RGS7: variants seen among roughly 807,000 people sequenced by gnomAD.
The protein encoded by RGS7 is regulator of G-protein signaling 7.
A neutral mutation model predicts 81.1 loss-of-function variants in RGS7; 27 were observed. That is an observed-to-expected ratio of 0.33 (90% CI 0.25 to 0.46). RGS7 has a LOEUF of 0.46. Ranked by LOEUF, RGS7 falls within the 20% of genes least tolerant of loss-of-function variation. The probability of loss-of-function intolerance (pLI) is 1.00; values close to 1 mark genes in which losing one functional copy is unlikely to be tolerated. For synonymous variants in RGS7, 208 were observed against 207.7 expected (o/e 1.00, Z -0.01); for missense variants, 396 against 607.4 (o/e 0.65, Z 3.66).
At chr1:240,867,317 T>C (rs986597548) in intron 9 of RGS7, among the ~76,000 whole-genome samples, 7 of 152,208 alleles carry the variant, frequency 4.6e-5, no homozygotes, top group African/African-American at 1.4e-4. Flanking sequence ...GGTATTCTTA[T>C]CAATCTTGAT....
chr1:240,856,262 T>C (rs1558360978), intron 9 of RGS7, among the ~76,000 whole-genome samples: 1 of 152,222 alleles, frequency 6.6e-6, no homozygotes, highest in Admixed American at 6.5e-5. Flanking sequence ...TAAACCTCTG[T>C]TTCAAAACAG....
chr1:240,942,633 C>A (rs1677796954), intron 4 of RGS7, among the ~76,000 whole-genome samples: 1 of 151,950 alleles, frequency 6.6e-6, no homozygotes, highest in Non-Finnish European at 1.5e-5. Flanking sequence ...AAAAAGATGG[C>A]AGCTGATTAT....
At chr1:241,334,523 C>T (rs1328730367) in intron 2 of RGS7, among the ~76,000 whole-genome samples, 4 of 152,130 alleles carry the variant, frequency 2.6e-5, no homozygotes, top group East Asian at 1.9e-4. Flanking sequence ...CCTAATATCC[C>T]GCAGGGGCCC....
rs372573008 is a variant in RGS7 at position 241,185,083 on chromosome 1, T to C, written c.79-86321A>G. On this transcript the variant is annotated intron_variant, in intron 2 of 18. Coordinates refer to ENST00000440928, the MANE Select transcript of RGS7 (RefSeq NM_001364886.1). ...TCTTGTACATTCCTTAAATCATCCA[T>C]GAAATATACATGAATTTGTGTGTAT... Among the ~76,000 whole-genome samples, 10 of 152,294 alleles carry C rather than the reference T, an allele frequency of 6.6e-5. No individual in the cohort carries two copies. The East Asian group carries it at 1.2e-3, about 18-fold the overall frequency.
At chr1:241,316,600 C>T (rs888096831) in intron 2 of RGS7, among the ~76,000 whole-genome samples, 6 of 152,182 alleles carry the variant, frequency 3.9e-5, no homozygotes, top group South Asian at 2.1e-4. Flanking sequence ...TGCATCCCAA[C>T]GACAAATCCC....
intron 4 of RGS7, among the ~76,000 whole-genome samples, chr1:240,981,945 T>C (rs1377147491): frequency 6.6e-6 from 1 of 152,196 alleles, no homozygotes. Context: ...TCTCTATCGA[T>C]AGAAGGGTGT....
At chr1:240,937,344 C>A (rs138604903) in intron 4 of RGS7, among the ~76,000 whole-genome samples, 1 of 152,290 alleles carries the variant, frequency 6.6e-6, no homozygotes, top group East Asian at 1.9e-4. Flanking sequence ...GTTTTCCTTG[C>A]GACTCCCAGC....
At chr1:240,832,648 A>T (rs1159180957) in intron 9 of RGS7, among the ~76,000 whole-genome samples, 1 of 152,188 alleles carries the variant, frequency 6.6e-6, no homozygotes, top group African/African-American at 2.4e-5. Flanking sequence ...GTTCAAGACA[A>T]CTCGGCAAAG....
At chr1:241,317,437 T>C (rs1023703041) in intron 2 of RGS7, among the ~76,000 whole-genome samples, 10 of 152,328 alleles carry the variant, frequency 6.6e-5, no homozygotes, top group South Asian at 2.1e-4. Flanking sequence ...TTAGAATTAT[T>C]TGGAGCCAAA....
intron 9 of RGS7, among the ~76,000 whole-genome samples, chr1:240,830,136 A>G (rs1693583659): frequency 6.6e-6 from 1 of 152,236 alleles, no homozygotes; most frequent in African/African-American, 2.4e-5. Flanking sequence ...ATTTTATATC[A>G]TATGGGTGTT....
intron 2 of RGS7, among the ~76,000 whole-genome samples, chr1:241,250,935 A>G (rs1337008832): frequency 6.6e-6 from 1 of 152,158 alleles, no homozygotes; most frequent in Non-Finnish European, 1.5e-5. Context: ...AAAAGTAGGG[A>G]CTATGCCTTG....
At chr1:241,252,049 CTTT>C (rs571408259) in intron 2 of RGS7, among the ~76,000 whole-genome samples, 1 of 143,626 alleles carries the variant, frequency 7.0e-6, no homozygotes. Flanking sequence ...CTTTCTTTTT[CTTT>C]TTTTTTTTTG....
At chr1:241,347,354 C>T (rs1310197449) in intron 2 of RGS7, among the ~76,000 whole-genome samples, 2 of 152,184 alleles carry the variant, frequency 1.3e-5, no homozygotes, top group East Asian at 3.9e-4. Flanking sequence ...AATTCACATC[C>T]AGCTCTTCTG....
At chr1:240,869,160 A>G (rs1048507320) in intron 7 of RGS7, among the ~76,000 whole-genome samples, 4 of 152,188 alleles carry the variant, frequency 2.6e-5, no homozygotes, top group African/African-American at 9.7e-5. Context: ...AGGTGCTCAG[A>G]TGAACCCACT....
At chr1:241,250,402 A>G (rs908250919) in intron 2 of RGS7, among the ~76,000 whole-genome samples, 3 of 152,132 alleles carry the variant, frequency 2.0e-5, no homozygotes, top group Non-Finnish European at 4.4e-5. Context: ...CAGCTTATGA[A>G]CTGCAAAACA....
At chr1:241,156,575 G>A (rs72758864) in intron 2 of RGS7, among the ~76,000 whole-genome samples, 3,796 of 148,140 alleles carry the variant, frequency 0.026, 65 homozygotes, top group Middle Eastern at 0.052. Flanking sequence ...AAAGGGAAAG[G>A]GGAGAGGAGG....
At chr1:241,230,511 G>A (rs1235087928) in intron 2 of RGS7, among the ~76,000 whole-genome samples, 1 of 152,136 alleles carries the variant, frequency 6.6e-6, no homozygotes, top group Non-Finnish European at 1.5e-5. Flanking sequence ...ACCGCACCCG[G>A]CCAGGGCACA....
intron 2 of RGS7, among the ~76,000 whole-genome samples, chr1:241,259,667 A>AAAAAAAAAAAAAAAAAAAAAAAAAAAAAT: frequency 6.1e-5 from 3 of 49,146 alleles, no homozygotes; most frequent in Non-Finnish European, 1.1e-4. Context: ...AAAAAAAAAA[A>AAAAAAAAAAAAAAAAAAAAAAAAAAAAAT]ATATATATAT....
intron 2 of RGS7, among the ~76,000 whole-genome samples, chr1:241,329,454 T>G (rs958237760): frequency 2.6e-5 from 4 of 152,176 alleles, no homozygotes; most frequent in Admixed American, 1.3e-4. Context: ...CCTGGGAGTC[T>G]TCAGAGATGG....
Sources: gnomAD v4.1 joint callset for allele counts (sites outside exome capture counted in the v4.1 genomes callset) on GRCh38, gnomAD v4.1.1 for gene constraint, MANE v1.5 for transcripts, NCBI Gene and HGNC (gene_info 2026-07-23, HGNC 2026-07-21) for gene names.